The following ARMH3 variants were observed in gnomAD, a reference collection of about 807,000 sequenced individuals.
ARMH3 encodes armadillo like helical domain containing 3, also known as armadillo-like helical domain-containing protein 3.
A neutral mutation model predicts 99.1 loss-of-function variants in ARMH3; 60 were observed. That is an observed-to-expected ratio of 0.61 (90% CI 0.49 to 0.75). The LOEUF is 0.75. ARMH3 is among the 30% of genes least tolerant of loss of function. The pLI is 0.00. For synonymous variants in ARMH3, 285 were observed against 292.8 expected (o/e 0.97, Z 0.27); for missense variants, 679 against 843.1 (o/e 0.81, Z 2.41).
chr10:101,906,603 C>T (rs992158248), intron 23 of ARMH3, among the ~76,000 whole-genome samples: 2 of 152,160 alleles, frequency 1.3e-5, no homozygotes, highest in Non-Finnish European at 2.9e-5. Context: ...GGGTAGCAGA[C>T]AGAGAATTTA....
chr10:101,848,909 C>G (rs2066521091), intron 25 of ARMH3, among the ~76,000 whole-genome samples: 1 of 152,172 alleles, frequency 6.6e-6, no homozygotes, highest in Non-Finnish European at 1.5e-5. Flanking sequence ...CTAACTCACC[C>G]CAGAGCATGT....
chr10:101,884,741 A>G (rs1385593931), intron 24 of ARMH3, among the ~76,000 whole-genome samples: 8 of 151,948 alleles, frequency 5.3e-5, no homozygotes, highest in African/African-American at 1.9e-4. Flanking sequence ...CTTGGATTTG[A>G]CACCAAAAGC....
At chr10:101,908,200 G>A (rs543236511) in intron 23 of ARMH3, among the ~76,000 whole-genome samples, 1 of 152,270 alleles carries the variant, frequency 6.6e-6, no homozygotes, top group Non-Finnish European at 1.5e-5. Flanking sequence ...CTGCTGCATT[G>A]TATAAGATAT....
At chr10:101,887,557 C>CCA (rs1307904206) in intron 24 of ARMH3, among the ~76,000 whole-genome samples, 1 of 151,190 alleles carries the variant, frequency 6.6e-6, no homozygotes, top group East Asian at 1.9e-4. Context: ...GTGCACACCA[C>CCA]CACGTCTGGC....
intron 1 of ARMH3, among the ~76,000 whole-genome samples, chr10:102,048,113 G>C (rs1326698070): frequency 1.3e-5 from 2 of 152,232 alleles, no homozygotes; most frequent in African/African-American, 4.8e-5. Context: ...AAAGGAAGGA[G>C]TATCTAGACA....
intron 24 of ARMH3, among the ~76,000 whole-genome samples, chr10:101,864,070 A>C (rs1338811270): frequency 2.9e-4 from 38 of 132,892 alleles, no homozygotes; most frequent in African/African-American, 8.2e-4. Flanking sequence ...CAAAAAAAAA[A>C]AAAAAAAAAC....
At chr10:102,031,500 T>C (rs1564867212) in intron 4 of ARMH3, among the ~76,000 whole-genome samples, 1 of 152,240 alleles carries the variant, frequency 6.6e-6, no homozygotes, top group Non-Finnish European at 1.5e-5. Flanking sequence ...AATTTCCAAC[T>C]TTCATTGAGC....
chr10:101,954,945 G>C lies in ARMH3; in HGVS notation c.1705+1652C>G, dbSNP rs570995370. On this transcript the variant is annotated intron_variant, in intron 22 of 25. Transcript: ENST00000370033. ...ATGGCCCAGTTGAGCAGGTATGTCA[G>C]ACTTTTATAAAATATCTCCCCCACT... Among the ~76,000 whole-genome samples, 3 of 152,202 alleles carry C rather than the reference G, an allele frequency of 2.0e-5. No homozygotes were observed. In the South Asian group the frequency reaches 6.2e-4, roughly 32 times the overall value.
chr10:101,883,725 C>T (rs61873592), intron 24 of ARMH3, among the ~76,000 whole-genome samples: 2 of 152,090 alleles, frequency 1.3e-5, no homozygotes, highest in Non-Finnish European at 2.9e-5. Flanking sequence ...CAGCCTGGTG[C>T]TCATGCCTAT....
At chr10:102,008,286 T>C (rs1453394719) in intron 13 of ARMH3, among the ~76,000 whole-genome samples, 2 of 152,228 alleles carry the variant, frequency 1.3e-5, no homozygotes, top group Non-Finnish European at 2.9e-5. Context: ...AGATTCCATA[T>C]ACATCTACCC....
At chr10:101,862,894 T>C (rs2066906333) in intron 24 of ARMH3, among the ~76,000 whole-genome samples, 1 of 152,146 alleles carries the variant, frequency 6.6e-6, no homozygotes, top group African/African-American at 2.4e-5. Flanking sequence ...GAGCCAATTA[T>C]ACAAGTTGCC....
intron 1 of ARMH3, among the ~76,000 whole-genome samples, chr10:102,055,326 T>TAAAA (rs1363484837): frequency 5.2e-5 from 7 of 135,346 alleles, no homozygotes; most frequent in East Asian, 2.7e-4. Flanking sequence ...AATAAATAAA[T>TAAAA]AAAATAAAAT....
intron 23 of ARMH3, among the ~76,000 whole-genome samples, chr10:101,913,953 T>C (rs1431956958): frequency 4.6e-5 from 7 of 152,198 alleles, no homozygotes; most frequent in Admixed American, 4.6e-4. Flanking sequence ...CAGCTGTTCC[T>C]CCAAAGTCTT....
At chr10:102,051,867 T>C (rs1018352298) in intron 1 of ARMH3, among the ~76,000 whole-genome samples, 1 of 152,218 alleles carries the variant, frequency 6.6e-6, no homozygotes, top group Admixed American at 6.6e-5. Context: ...CTCTCGTTCA[T>C]TTAAATAAAC....
chr10:101,867,880 T>C (rs1163761941), intron 24 of ARMH3, among the ~76,000 whole-genome samples: 1 of 150,912 alleles, frequency 6.6e-6, no homozygotes, highest in Non-Finnish European at 1.5e-5. Context: ...GTCTAATGGC[T>C]ATAATCTCAG....
At chr10:101,933,867 G>C (rs1051420780) in intron 23 of ARMH3, among the ~76,000 whole-genome samples, 1 of 152,168 alleles carries the variant, frequency 6.6e-6, no homozygotes, top group Non-Finnish European at 1.5e-5. Flanking sequence ...AATCAATTTA[G>C]TCCACATTTA....
At chr10:102,027,261 A>G (rs1161654423) in intron 5 of ARMH3, among the ~76,000 whole-genome samples, 1 of 149,466 alleles carries the variant, frequency 6.7e-6, no homozygotes, top group Non-Finnish European at 1.5e-5. Flanking sequence ...CCTAGGTGAC[A>G]GAGTGAGATT....
chr10:101,849,105 G>T (rs917076182), intron 25 of ARMH3, among the ~76,000 whole-genome samples: 1 of 152,206 alleles, frequency 6.6e-6, no homozygotes, highest in African/African-American at 2.4e-5. Flanking sequence ...CAGGGGAAGT[G>T]GGTACAGAGG....
chr10:102,031,480 C>T (rs528354618), intron 4 of ARMH3, among the ~76,000 whole-genome samples: 2 of 152,326 alleles, frequency 1.3e-5, no homozygotes, highest in Non-Finnish European at 2.9e-5. Flanking sequence ...ACTGCAATTA[C>T]TGGAAGTACA....
Sources: gnomAD v4.1 joint callset for allele counts (sites outside exome capture counted in the v4.1 genomes callset) on GRCh38, gnomAD v4.1.1 for gene constraint, MANE v1.5 for transcripts, NCBI Gene and HGNC (gene_info 2026-07-23, HGNC 2026-07-21) for gene names.